The following CSMD2 variants were observed in gnomAD, a reference collection of about 807,000 sequenced individuals.
CSMD2 encodes the protein CUB and Sushi multiple domains 2.
In CSMD2, 130 loss-of-function variants were observed where a neutral mutation model predicts 398.5. The observed-to-expected ratio is 0.33, with a 90% confidence interval of 0.28 to 0.38. The LOEUF is 0.38. CSMD2 is among the 10% of genes least tolerant of loss of function. The pLI is 1.00. For synonymous variants in CSMD2, 1,828 were observed against 1,908.5 expected (o/e 0.96, Z 1.10); for missense variants, 3,829 against 4,764.9 (o/e 0.80, Z 5.78).
At chr1:33,575,028 A>C (rs59297569) in intron 49 of CSMD2, among the ~76,000 whole-genome samples, 9,830 of 152,258 alleles carry the variant, frequency 0.065, 1,122 homozygotes, top group African/African-American at 0.23. Context: ...AGGGGACAGA[A>C]GATAATACTC....
At chr1:33,786,620 G>C (rs930448057) in intron 12 of CSMD2, among the ~76,000 whole-genome samples, 16 of 152,172 alleles carry the variant, frequency 1.1e-4, no homozygotes, top group Admixed American at 8.5e-4. Flanking sequence ...CAGGACCCTT[G>C]AGACCTAGGT....
In CSMD2 at chr1:33,646,904, C is replaced by A. The variant is rs746559877; in HGVS notation, c.4587-69G>T. ...TAAAGGCTTTTGCCGGGGTCTTAGG[C>A]TCAACCAAAGCATAGGGCCTCCCAG... On this transcript the variant is annotated intron_variant, in intron 28 of 70. Transcript: ENST00000373381. The A allele has an allele frequency of 3.0e-5, 44 of 1,491,432 alleles. No individual in the cohort carries two copies. In the South Asian group the frequency reaches 5.3e-4, roughly 18 times the overall value. The allele number at this position is 1,491,432 out of a possible 1,614,324, so 92.4% of individuals were successfully genotyped here.
intron 49 of CSMD2, among the ~76,000 whole-genome samples, chr1:33,574,499 C>T (rs1659891322): frequency 6.6e-6 from 1 of 152,216 alleles, no homozygotes; most frequent in Admixed American, 6.5e-5. Flanking sequence ...CATCCACTAT[C>T]CCCTCTGGCT....
rs1553121716 is a variant in CSMD2 at position 34,151,814 on chromosome 1, T to TCCCTC, written c.187+13096_187+13097insGAGGG. ...CTTGCTTCCTTCCTCCCTCCCTCCC[T>TCCCTC]CCCCCCCCTTCTCTCTTCCTTTCTT... On this transcript the variant is annotated intron_variant, in intron 1 of 70. Coordinates refer to ENST00000373381, the MANE Select transcript of CSMD2 (RefSeq NM_001281956.2). 8.8e-3 allele frequency among the ~76,000 whole-genome samples: 763 copies of TCCCTC among 86,788 alleles called. 6 individuals carry two copies. Among genetic ancestry groups the TCCCTC allele is most frequent in the East Asian group, 0.04 (136 of 3,412 alleles). The allele number at this position is 86,788 out of a possible 152,430, so 56.9% of individuals were successfully genotyped here.
At chr1:33,836,899 A>G (rs192752151) in intron 6 of CSMD2, among the ~76,000 whole-genome samples, 7 of 152,278 alleles carry the variant, frequency 4.6e-5, no homozygotes, top group Non-Finnish European at 8.8e-5. Context: ...ATCCCCAGTG[A>G]GATGCATCCA....
chr1:33,744,596 T>C (rs887942928), intron 13 of CSMD2, among the ~76,000 whole-genome samples: 2 of 151,768 alleles, frequency 1.3e-5, no homozygotes, highest in Non-Finnish European at 2.9e-5. Context: ...AACAAATAAA[T>C]ACTAAAACAA....
In CSMD2 at chr1:33,614,372, T is replaced by A. The variant is rs1641246297; in HGVS notation, c.6133+132A>T. ...CACAATTGTACAAGAGGTCAACAGA[T>A]GAGAAAACAGAGAGGCAGAGTACTA... is the stretch of plus-strand genomic sequence containing the variant. On this transcript the variant is annotated intron_variant, in intron 40 of 70. Transcript: ENST00000373381. 3 of 663,550 alleles carry A rather than the reference T, an allele frequency of 4.5e-6. 1 individual carries two copies. The South Asian group carries it at 5.1e-5, about 11-fold the overall frequency. 41.1% of individuals were successfully genotyped at this position (663,550 alleles called of 1,614,324 possible).
chr1:33,564,423 C>T (rs1479513910), intron 53 of CSMD2, among the ~76,000 whole-genome samples: 2 of 152,160 alleles, frequency 1.3e-5, no homozygotes, highest in African/African-American at 4.8e-5. Context: ...CCACCCAGAC[C>T]CCGACAGTCT....
chr1:34,080,330 T>C (rs944442195), intron 2 of CSMD2, among the ~76,000 whole-genome samples: 3 of 151,988 alleles, frequency 2.0e-5, no homozygotes, highest in Non-Finnish European at 4.4e-5. Flanking sequence ...GTGAGAGCAA[T>C]ATATTGCCTA....
intron 2 of CSMD2, among the ~76,000 whole-genome samples, chr1:34,076,814 A>G (rs915531559): frequency 1.3e-5 from 2 of 148,742 alleles, no homozygotes; most frequent in South Asian, 4.4e-4. Flanking sequence ...TGACTTGCCA[A>G]TGCTATGCAG....
intron 2 of CSMD2, among the ~76,000 whole-genome samples, chr1:34,083,777 G>A (rs1169859616): frequency 1.3e-5 from 2 of 152,108 alleles, no homozygotes; most frequent in African/African-American, 4.8e-5. Context: ...AAATTAGCCA[G>A]GCGTGGGGGC....
chr1:33,901,213 T>G (rs754140695), intron 5 of CSMD2, among the ~76,000 whole-genome samples: 10 of 152,252 alleles, frequency 6.6e-5, no homozygotes, highest in Non-Finnish European at 1.3e-4. Flanking sequence ...CCTGTTTATT[T>G]ATCTTGACAT....
intron 56 of CSMD2, among the ~76,000 whole-genome samples, chr1:33,547,888 G>T (rs182554781): frequency 6.6e-6 from 1 of 152,212 alleles, no homozygotes; most frequent in African/African-American, 2.4e-5. Flanking sequence ...GTTTGGCTCT[G>T]TGTCCCCATT....
intron 5 of CSMD2, among the ~76,000 whole-genome samples, chr1:33,917,143 C>T (rs1017685415): frequency 6.6e-6 from 1 of 152,210 alleles, no homozygotes; most frequent in South Asian, 2.1e-4. Flanking sequence ...AGGGCCTCCA[C>T]CAGAACGCTA....
intron 14 of CSMD2, among the ~76,000 whole-genome samples, chr1:33,740,253 G>A (rs994445747): frequency 6.6e-6 from 1 of 151,854 alleles, no homozygotes; most frequent in Non-Finnish European, 1.5e-5. Context: ...TCCTCCAGCA[G>A]GGGCATCACA....
chr1:33,998,374 C>T lies in CSMD2; in HGVS notation c.517+34220G>A, dbSNP rs906682602. Among the ~76,000 whole-genome samples, 4 of 152,284 alleles carry T rather than the reference C, an allele frequency of 2.6e-5. 1 individual carries two copies. Among genetic ancestry groups the T allele is most frequent in the African/African-American group, 9.6e-5 (4 of 41,550 alleles). On this transcript the variant is annotated intron_variant, in intron 3 of 70. Transcript: ENST00000373381. The stretch of plus-strand genomic sequence containing the variant: ...TCCATTCCTTTTTAAATAAATTTCC[C>T]AGTTTCAGGTACTCTGTTATAAACA...
intron 24 of CSMD2, among the ~76,000 whole-genome samples, chr1:33,695,404 T>C (rs1447287562): frequency 1.3e-5 from 2 of 152,130 alleles, no homozygotes; most frequent in Admixed American, 1.3e-4. Context: ...GGCAGTATGA[T>C]GGGGTACAGC....
intron 60 of CSMD2, among the ~76,000 whole-genome samples, chr1:33,539,741 A>C (rs1372313278): frequency 6.6e-6 from 1 of 152,196 alleles, no homozygotes; most frequent in Non-Finnish European, 1.5e-5. Context: ...AGGAAAAGCA[A>C]GGTGGCTGAG....
At chr1:33,987,440 A>T (rs1384379987) in intron 3 of CSMD2, among the ~76,000 whole-genome samples, 3 of 152,160 alleles carry the variant, frequency 2.0e-5, no homozygotes, top group Non-Finnish European at 4.4e-5. Flanking sequence ...CCCTGCTCGC[A>T]AGTGCTACTG....
Sources: allele counts gnomAD v4.1 joint callset (sites outside exome capture counted in the v4.1 genomes callset), GRCh38; gene constraint gnomAD v4.1.1; transcripts MANE v1.5; gene names NCBI Gene and HGNC (gene_info 2026-07-23, HGNC 2026-07-21).